The following CAMSAP1 variants were observed in gnomAD, a reference collection of about 807,000 sequenced individuals.
The protein encoded by CAMSAP1 is calmodulin regulated spectrin associated protein 1.
CAMSAP1 carries 58 observed loss-of-function variants against 143.5 expected under a neutral mutation model. The observed-to-expected ratio is 0.40, with a 90% CI of 0.33 to 0.50. The LOEUF (loss-of-function observed/expected upper bound fraction) is 0.50. Among genes scored for constraint, CAMSAP1 ranks in the 20% least tolerant of loss-of-function variants. The pLI, the probability that CAMSAP1 is intolerant of heterozygous loss-of-function variation, is 0.45. For missense variants in CAMSAP1, 1,969 were observed against 2,115.7 expected, an observed-to-expected ratio of 0.93 and a Z score of 1.36; for synonymous variants, 945 against 859.3, an observed-to-expected ratio of 1.10 and a Z score of -1.74.
At chr9:135,848,587 T>G (rs1836661965) in intron 7 of CAMSAP1, among the ~76,000 whole-genome samples, 2 of 152,106 alleles carry the variant, frequency 1.3e-5, no homozygotes, top group Admixed American at 6.6e-5. Flanking sequence ...AGTGGAGCTC[T>G]GCCTGCTCTC....
intron 16 of CAMSAP1, among the ~76,000 whole-genome samples, chr9:135,813,210 C>G (rs138272178): frequency 6.6e-6 from 1 of 152,166 alleles, no homozygotes; most frequent in African/African-American, 2.4e-5. Flanking sequence ...AAGGCCTCAT[C>G]GCCTCTCCCA....
Position 135,887,578 on chromosome 9 carries a change from C to T in CAMSAP1, c.161-4500G>A, listed in dbSNP as rs530793648. Among the ~76,000 whole-genome samples, 55 of 152,126 alleles carry T rather than the reference C, an allele frequency of 3.6e-4. 1 individual carries two copies. The highest frequency in any genetic ancestry group is 3.4e-3 in the Admixed American group (52 of 15,278). On this transcript the variant is annotated intron_variant, in intron 1 of 16. Coordinates refer to ENST00000389532, the MANE Select transcript of CAMSAP1 (RefSeq NM_015447.4). ...CTGAGAAAGGAGGCCCCTCGGGAGG[C>T]GGAGGGGAGGGATGCAGGGCCCAGG...
In CAMSAP1 at chr9:135,821,964, C is replaced by T. The variant is rs752998035; in HGVS notation, c.2697G>A (p.Met899Ile). ...GGCGCTGCCTTGCCGACAGCGCCTCCATCTTCTTCTTCTGGGCCTCGATGG... is the reference window on the plus strand; with the variant it reads ...GGCGCTGCCTTGCCGACAGCGCCTCTATCTTCTTCTTCTGGGCCTCGATGG... ...RRAIEAQKKK[M>I]EALSARQRLK... The change falls in exon 11 of 17, where the codon ATG becomes ATA. Residue 899 changes from methionine (M) to isoleucine (I), a missense_variant. Met to Ile is a conservative substitution (Grantham distance 10). This residue lies in a region of CAMSAP1 where 1,390 missense variants were observed against 1,420.8 expected (regional missense o/e 0.98). Coordinates refer to ENST00000389532, the MANE Select transcript of CAMSAP1 (RefSeq NM_015447.4). This position sits in a 1 kb window ranked among gnomAD's most constrained non-coding sequence, Gnocchi z 4.6. 4 of 1,612,630 alleles carry T rather than the reference C, an allele frequency of 2.5e-6. No homozygotes were observed. The highest frequency in any genetic ancestry group is 3.3e-4 in the Middle Eastern group (2 of 6,054).
At chr9:135,843,585 G>A (rs2131722951) in intron 7 of CAMSAP1, among the ~76,000 whole-genome samples, 1 of 152,078 alleles carries the variant, frequency 6.6e-6, no homozygotes, top group East Asian at 2.0e-4. Context: ...GCAATAAGAA[G>A]AGCTGGCAGG....
At chr9:135,840,950 G>A (rs1441584199) in intron 7 of CAMSAP1, among the ~76,000 whole-genome samples, 1 of 152,208 alleles carries the variant, frequency 6.6e-6, no homozygotes, top group Non-Finnish European at 1.5e-5. Flanking sequence ...GCTAGTTGCA[G>A]GAGTTTTTTT....
At chr9:135,878,687 C>T (rs1284051041) in intron 3 of CAMSAP1, among the ~76,000 whole-genome samples, 1 of 152,192 alleles carries the variant, frequency 6.6e-6, no homozygotes, top group Non-Finnish European at 1.5e-5. Context: ...CCTAGGAACA[C>T]AGCGCGGGTG....
At position 135,811,663 on chromosome 9, in the gene CAMSAP1, T is replaced by G; in HGVS notation, c.4507-52A>C. On this transcript the variant is annotated intron_variant, in intron 16 of 16. Coordinates refer to ENST00000389532, the MANE Select transcript of CAMSAP1 (RefSeq NM_015447.4). This position sits in a 1 kb window ranked among gnomAD's most constrained non-coding sequence, Gnocchi z 4.9. ...GACAAACACTTCAGGGCCACTCCAATTGCCACGAGTTGGGCTCCCACAGCG... is the reference window on the plus strand; with the variant it reads ...GACAAACACTTCAGGGCCACTCCAAGTGCCACGAGTTGGGCTCCCACAGCG... 6.6e-7 allele frequency: 1 copy of G among 1,515,416 alleles called. No individual in the cohort carries two copies. The highest frequency in any genetic ancestry group is 8.9e-7 in the Non-Finnish European group (1 of 1,121,374). The allele number at this position is 1,515,416 out of a possible 1,614,324, so 93.9% of individuals were successfully genotyped here.
chr9:135,851,181 CA>C (rs1836770506), intron 5 of CAMSAP1, among the ~76,000 whole-genome samples: 1 of 152,228 alleles, frequency 6.6e-6, no homozygotes, highest in South Asian at 2.1e-4. Flanking sequence ...GAGCACGGTG[CA>C]GCTCAGGACT....
intron 3 of CAMSAP1, among the ~76,000 whole-genome samples, chr9:135,869,345 A>C (rs1285208226): frequency 2.0e-5 from 3 of 152,104 alleles, no homozygotes; most frequent in African/African-American, 7.2e-5. Flanking sequence ...TCTACAAAAA[A>C]TACAAAAATT....
intron 7 of CAMSAP1, among the ~76,000 whole-genome samples, chr9:135,829,088 A>G (rs1481552481): frequency 1.3e-5 from 2 of 152,268 alleles, no homozygotes; most frequent in Non-Finnish European, 2.9e-5. Flanking sequence ...ACAGAACACT[A>G]AATAGCAACA....
intron 7 of CAMSAP1, among the ~76,000 whole-genome samples, chr9:135,835,465 G>A (rs886119661): frequency 6.6e-6 from 1 of 152,242 alleles, no homozygotes; most frequent in Non-Finnish European, 1.5e-5. Context: ...GAATGGCAAG[G>A]CTGGAGGGGC....
At position 135,883,065 on chromosome 9, in the gene CAMSAP1, C is replaced by T; in HGVS notation, c.174G>A (p.Glu58=). The stretch of plus-strand genomic sequence containing the variant: ...CAACGTAGAAAGGGTCTCTGAGGTC[C>T]TCAGGGATGTTATCTAAGACAGGGA... ...AKAYGRDNIP[E]DLRDPFYVDQ... is the part of the protein sequence containing the mutation. The change falls in exon 2 of 17, where the codon GAG becomes GAA. Residue 58 remains glutamate (E), a synonymous_variant. Coordinates refer to ENST00000389532, the MANE Select transcript of CAMSAP1 (RefSeq NM_015447.4). 6.4e-7 allele frequency: 1 copy of T among 1,551,672 alleles called. No individual in the cohort carries two copies. The highest frequency in any genetic ancestry group is 8.7e-7 in the Non-Finnish European group (1 of 1,147,008).
At position 135,824,937 on chromosome 9, in the gene CAMSAP1, C is replaced by G. The variant is rs1835620482; in HGVS notation, c.1224-57G>C. ...TTCCTTTATCAAACTTCAAGGTCAA[C>G]AGCAAATGCACAAGTGTACAGGACC... On this transcript the variant is annotated intron_variant, in intron 8 of 16. Coordinates refer to ENST00000389532, the MANE Select transcript of CAMSAP1 (RefSeq NM_015447.4). The surrounding 1 kb of genome is among the most constrained non-coding windows in gnomAD (Gnocchi z 4.1). 1.5e-6 allele frequency: 2 copies of G among 1,342,126 alleles called. No homozygotes were observed. The highest frequency in any genetic ancestry group is 2.1e-5 in the Admixed American group (1 of 47,874). 83.1% of individuals were successfully genotyped at this position (1,342,126 alleles called of 1,614,324 possible). A position where few individuals can be genotyped will look rare whatever the true frequency, so the allele number is the denominator to read the frequency against.
chr9:135,868,940 A>G (rs983555724), intron 3 of CAMSAP1, among the ~76,000 whole-genome samples: 1 of 152,054 alleles, frequency 6.6e-6, no homozygotes, highest in South Asian at 2.1e-4. Context: ...CAATGAATGT[A>G]AGTTTTGATA....
At chr9:135,819,882 G>T (rs112565892) in intron 11 of CAMSAP1, among the ~76,000 whole-genome samples, 5 of 151,788 alleles carry the variant, frequency 3.3e-5, no homozygotes, top group African/African-American at 1.2e-4. Flanking sequence ...ACTGAAGTTG[G>T]TCACGAATTT....
At chr9:135,876,272 A>G (rs1204582706) in intron 3 of CAMSAP1, among the ~76,000 whole-genome samples, 2 of 152,162 alleles carry the variant, frequency 1.3e-5, no homozygotes, top group African/African-American at 4.8e-5. Flanking sequence ...TTTTTGACAG[A>G]CACTGTTAAG....
chr9:135,906,813 C>T (rs775356469), intron 1 of CAMSAP1, among the ~76,000 whole-genome samples, 187 bp downstream of exon 1: 55 of 152,020 alleles, frequency 3.6e-4, no homozygotes, highest in Admixed American at 7.2e-4. Context: ...GCCAGGTGAC[C>T]GCGTCCCCAC....
chr9:135,883,068 A>G lies in CAMSAP1; in HGVS notation c.171T>C (p.Pro57=). The part of the protein sequence containing the change: ...CAKAYGRDNI[P]EDLRDPFYVD... ...CGTAGAAAGGGTCTCTGAGGTCCTCAGGGATGTTATCTAAGACAGGGAGGG... is the reference window on the plus strand; with the variant it reads ...CGTAGAAAGGGTCTCTGAGGTCCTCGGGGATGTTATCTAAGACAGGGAGGG... Residue 57 remains proline (P), a synonymous_variant, in exon 2 of 17, where the codon CCT becomes CCC. Coordinates refer to ENST00000389532, the MANE Select transcript of CAMSAP1 (RefSeq NM_015447.4). 1 of 1,551,684 alleles carries G rather than the reference A, an allele frequency of 6.4e-7. No homozygotes were observed. Among genetic ancestry groups the G allele is most frequent in the Non-Finnish European group, 8.7e-7 (1 of 1,146,986 alleles).
Position 135,818,306 on chromosome 9 carries a change from G to T in CAMSAP1, c.4168+102C>A. ...GGGGATAATCATCTCCACCCTTCCCGCCTCACACCACTCTTGATGACAAAA... is the reference window on the plus strand; with the variant it reads ...GGGGATAATCATCTCCACCCTTCCCTCCTCACACCACTCTTGATGACAAAA... On this transcript the variant is annotated intron_variant, in intron 13 of 16. Coordinates refer to ENST00000389532, the MANE Select transcript of CAMSAP1 (RefSeq NM_015447.4). The surrounding 1 kb of genome is among the most constrained non-coding windows in gnomAD (Gnocchi z 7.7). 7.7e-7 allele frequency: 1 copy of T among 1,296,956 alleles called. No homozygotes were observed. The highest frequency in any genetic ancestry group is 1.1e-6 in the Non-Finnish European group (1 of 952,028). 80.3% of individuals were successfully genotyped at this position (1,296,956 alleles called of 1,614,324 possible).
Sources: gnomAD v4.1 joint callset for allele counts (sites outside exome capture counted in the v4.1 genomes callset) on GRCh38, gnomAD v4.1.1 for gene constraint, gnomAD v4.1.1 regional missense constraint, Gnocchi (gnomAD v3.1) non-coding constraint, MANE v1.5 for transcripts, NCBI Gene and HGNC (gene_info 2026-07-23, HGNC 2026-07-21) for gene names.